Variants in CEP128 observed in about 807,000 individuals in gnomAD.
The protein encoded by CEP128 is centrosomal protein 128kDa.
In CEP128, 132 loss-of-function variants were observed where a neutral mutation model predicts 156.7. The observed-to-expected ratio is 0.84, with a 90% CI of 0.73 to 0.97. CEP128 has a LOEUF of 0.97. Ranked by LOEUF, CEP128 falls within the 50% of genes least tolerant of loss-of-function variation. The pLI is 0.00. For missense variants in CEP128, 1,252 were observed against 1,281.9 expected, an observed-to-expected ratio of 0.98 and a Z score of 0.36; for synonymous variants, 469 against 448.9, an observed-to-expected ratio of 1.04 and a Z score of -0.57.
At chr14:80,647,690 A>G (rs1440863333) in intron 19 of CEP128, among the ~76,000 whole-genome samples, 1 of 152,074 alleles carries the variant, frequency 6.6e-6, no homozygotes, top group Non-Finnish European at 1.5e-5. Context: ...GTGAATAGCG[A>G]CCAGGCATGT....
chr14:80,781,365 G>A (rs536250041), intron 15 of CEP128, among the ~76,000 whole-genome samples: 4 of 149,776 alleles, frequency 2.7e-5, no homozygotes, highest in African/African-American at 4.9e-5. Context: ...GCTGAGGCAG[G>A]AGAATTGCTT....
chr14:80,532,360 A>G (rs959269844), intron 21 of CEP128, among the ~76,000 whole-genome samples: 1 of 152,018 alleles, frequency 6.6e-6, no homozygotes, highest in African/African-American at 2.4e-5. Flanking sequence ...ACCCAGCTAT[A>G]TAATTTTTTC....
chr14:80,740,543 T>TAGATAGAC lies in CEP128; in HGVS notation c.2806+2531_2806+2532insGTCTATCT, dbSNP rs71103880. ...ATAGATAGATAGATAGATAGATAGA[T>TAGATAGAC]AGACAGACAGATAGATAGAAATGAT... On this transcript the variant is annotated intron_variant, in intron 19 of 24. Coordinates refer to ENST00000555265, the MANE Select transcript of CEP128 (RefSeq NM_152446.5). Among the ~76,000 whole-genome samples, 838 of 142,804 alleles carry TAGATAGAC rather than the reference T, an allele frequency of 5.9e-3. 4 individuals are homozygous for TAGATAGAC. Among genetic ancestry groups the TAGATAGAC allele is most frequent in the East Asian group, 7.5e-3 (35 of 4,638 alleles). The allele number at this position is 142,804 out of a possible 152,430, so 93.7% of individuals were successfully genotyped here.
intron 8 of CEP128, among the ~76,000 whole-genome samples, chr14:80,888,787 A>C (rs7143031): frequency 0.44 from 67,397 of 151,800 alleles, 15,538 homozygotes; most frequent in African/African-American, 0.55. Context: ...CAGGGCAATC[A>C]GGCAAGAGAA....
At chr14:80,780,786 T>C (rs1382346473) in intron 15 of CEP128, among the ~76,000 whole-genome samples, 1 of 152,224 alleles carries the variant, frequency 6.6e-6, no homozygotes, top group Non-Finnish European at 1.5e-5. Flanking sequence ...TTTCAACTTA[T>C]AGCCACTGAG....
At chr14:80,555,119 C>A (rs544427678) in intron 21 of CEP128, among the ~76,000 whole-genome samples, 14 of 152,102 alleles carry the variant, frequency 9.2e-5, no homozygotes, top group Admixed American at 3.9e-4. Context: ...CAGAATGACT[C>A]CTCTTACTCT....
chr14:80,531,964 C>G (rs1210154875), intron 21 of CEP128, among the ~76,000 whole-genome samples: 1 of 152,094 alleles, frequency 6.6e-6, no homozygotes, highest in Admixed American at 6.6e-5. Flanking sequence ...GAAGGCATAA[C>G]TACAAGATTA....
chr14:80,523,841 T>C (rs971993672), intron 23 of CEP128, among the ~76,000 whole-genome samples: 13 of 152,188 alleles, frequency 8.5e-5, no homozygotes, highest in South Asian at 2.1e-4. Flanking sequence ...TTCTTCTTCC[T>C]CTAGACCAGA....
In CEP128 at chr14:80,921,207, G is replaced by A. The variant is rs191172941; in HGVS notation, c.-15-4645C>T. On this transcript the variant is annotated intron_variant, in intron 2 of 24. Transcript: ENST00000555265. ...TTTGAATGTCCCCTCCAAAATTCACGTTGAAATTTAATCCCCAGTGAGGCA... is the reference window on the plus strand; with the variant it reads ...TTTGAATGTCCCCTCCAAAATTCACATTGAAATTTAATCCCCAGTGAGGCA... Among the ~76,000 whole-genome samples, 4 of 152,224 alleles carry A rather than the reference G, an allele frequency of 2.6e-5. No homozygotes were observed. In the East Asian group the frequency reaches 5.8e-4, roughly 22 times the overall value.
At chr14:80,579,053 T>C (rs1891478104) in intron 20 of CEP128, among the ~76,000 whole-genome samples, 1 of 152,218 alleles carries the variant, frequency 6.6e-6, no homozygotes, top group Non-Finnish European at 1.5e-5. Flanking sequence ...ATGAGATTAC[T>C]AGTTCCAACA....
intron 8 of CEP128, among the ~76,000 whole-genome samples, chr14:80,884,969 C>T (rs1888726725): frequency 6.6e-6 from 1 of 152,158 alleles, no homozygotes; most frequent in African/African-American, 2.4e-5. Flanking sequence ...GGAGGGGCAT[C>T]GCCATTACTG....
intron 6 of CEP128, among the ~76,000 whole-genome samples, chr14:80,900,388 G>A (rs896860950): frequency 1.3e-5 from 2 of 152,066 alleles, no homozygotes. Context: ...GCCCAATAGC[G>A]ACTATTCCAG....
intron 19 of CEP128, among the ~76,000 whole-genome samples, chr14:80,699,085 G>T (rs1453178321): frequency 6.6e-6 from 1 of 152,154 alleles, no homozygotes; most frequent in Non-Finnish European, 1.5e-5. Context: ...AAATCCGATA[G>T]ACCTGATACT....
At chr14:80,653,115 A>AC (rs1307701131) in intron 19 of CEP128, among the ~76,000 whole-genome samples, 2 of 152,138 alleles carry the variant, frequency 1.3e-5, no homozygotes, top group African/African-American at 4.8e-5. Context: ...ACATGTTCTC[A>AC]CTCATAAGTG....
Position 80,904,707 on chromosome 14 carries a change from C to T in CEP128, c.480+106G>A, listed in dbSNP as rs980908529. 8.6e-5 allele frequency: 62 copies of T among 724,472 alleles called. No individual in the cohort carries two copies. The African/African-American group carries it at 8.9e-4, about 10-fold the overall frequency. The allele number at this position is 724,472 out of a possible 1,614,324, so 44.9% of individuals were successfully genotyped here. A position where few individuals can be genotyped will look rare whatever the true frequency, so the allele number is the denominator to read the frequency against. ...GGATCAGTATAAAGTTACTAATGAT[C>T]AAATTCTTGGTTAAAATATAGCCTT... On this transcript the variant is annotated intron_variant, in intron 6 of 24. Transcript: ENST00000555265.
intron 19 of CEP128, among the ~76,000 whole-genome samples, chr14:80,723,115 C>A (rs564566337): frequency 2.3e-4 from 35 of 152,124 alleles, no homozygotes; most frequent in Non-Finnish European, 5.0e-4. Context: ...CATGAGCCAC[C>A]GCACCCGGCC....
rs1218927834 is a variant in CEP128, at chr14:80,831,314, G to A, written c.1058-20C>T. On this transcript the variant is annotated intron_variant, in intron 12 of 24. Transcript: ENST00000555265. ...CAACCCCTTAAAAGATAAAATGTAA[G>A]GCTCAAGGGTTGTTCTTTATTCACA... is the stretch of plus-strand genomic sequence containing the variant. 2 of 1,612,478 alleles carry A rather than the reference G, an allele frequency of 1.2e-6. No homozygotes were observed. The highest frequency in any genetic ancestry group is 2.2e-5 in the East Asian group (1 of 44,852).
intron 9 of CEP128, 75 bp from the exon 10 acceptor site, chr14:80,840,843 G>T: frequency 1.1e-6 from 1 of 875,202 alleles, no homozygotes; most frequent in Non-Finnish European, 1.9e-6. Context: ...AATTTATTAT[G>T]TATTAGGGCT....
intron 23 of CEP128, among the ~76,000 whole-genome samples, chr14:80,517,766 C>T (rs1203443541): frequency 6.6e-6 from 1 of 152,112 alleles, no homozygotes; most frequent in Non-Finnish European, 1.5e-5. Flanking sequence ...TATAGCTCTA[C>T]TAGAAGCTGT....
Sources: gnomAD v4.1 joint callset for allele counts (sites outside exome capture counted in the v4.1 genomes callset) on GRCh38, gnomAD v4.1.1 for gene constraint, MANE v1.5 for transcripts, NCBI Gene and HGNC (gene_info 2026-07-23, HGNC 2026-07-21) for gene names.